HAAO: variants seen among roughly 807,000 people sequenced by gnomAD.
HAAO encodes 3-hydroxyanthranilate 3,4-dioxygenase, also known as 3-hydroxyanthranilate oxygenase.
A neutral mutation model predicts 46.2 loss-of-function variants in HAAO; 49 were observed. The ratio of observed to expected loss-of-function variants is 1.06; its 90% CI spans 0.84 to 1.34. HAAO has a LOEUF of 1.34. HAAO is among the 40% of genes most tolerant of loss of function. The pLI, the probability that HAAO is intolerant of heterozygous loss-of-function variation, is 0.00. For synonymous variants in HAAO, 157 were observed against 145.2 expected (o/e 1.08, Z -0.58); for missense variants, 408 against 364.5 (o/e 1.12, Z -0.97).
chr2:42,778,350 A>G (rs1452658455), intron 4 of HAAO, among the ~76,000 whole-genome samples: 3 of 151,228 alleles, frequency 2.0e-5, no homozygotes, highest in Non-Finnish European at 2.9e-5. Context: ...TTTTTTTGAC[A>G]TGGAGTCTTG....
Position 42,777,559 on chromosome 2 carries a change from CAGTT to C in HAAO, c.350+5751_350+5754del, listed in dbSNP as rs537885291. On this transcript the variant is annotated intron_variant, in intron 4 of 9. Coordinates refer to ENST00000294973, the MANE Select transcript of HAAO (RefSeq NM_012205.3). ...TTGGAGGTTAGAAGCAAGATGGAAT[CAGTT>C]AGGTCAAATCATTTTCACTGTCTCA... is the stretch of plus-strand genomic sequence containing the variant. Among the ~76,000 whole-genome samples the C allele has an allele frequency of 8.0e-4, 122 of 152,188 alleles. 1 individual carries two copies. Among genetic ancestry groups the C allele is most frequent in the Admixed American group, 6.9e-3 (105 of 15,290 alleles).
intron 4 of HAAO, among the ~76,000 whole-genome samples, chr2:42,777,730 C>A (rs946014478): frequency 6.6e-6 from 1 of 151,716 alleles, no homozygotes; most frequent in East Asian, 1.9e-4. Context: ...AATTTAGAAT[C>A]TAAAGTTAAA....
At chr2:42,768,743 C>G (rs1366705397) in intron 7 of HAAO, among the ~76,000 whole-genome samples, 1 of 152,210 alleles carries the variant, frequency 6.6e-6, no homozygotes, top group Admixed American at 6.5e-5. Flanking sequence ...TGTCACTCCC[C>G]TGCTTCAATA....
chr2:42,778,983 CAT>C (rs1187522220), intron 4 of HAAO, among the ~76,000 whole-genome samples: 1 of 152,010 alleles, frequency 6.6e-6, no homozygotes, highest in Non-Finnish European at 1.5e-5. Context: ...CATGGTGGCA[CAT>C]GTCTGTAATC....
At chr2:42,788,888 A>G (rs958829095) in intron 1 of HAAO, 11 of 419,912 alleles carry the variant, frequency 2.6e-5, no homozygotes, top group African/African-American at 1.4e-4. Flanking sequence ...TGGTGAATCT[A>G]TGGCTTCATC....
Position 42,790,669 on chromosome 2 carries a change from C to T in HAAO, c.80+1788G>A, listed in dbSNP as rs375905546. Among the ~76,000 whole-genome samples the T allele has an allele frequency of 1.3e-4, 20 of 152,036 alleles. No homozygotes were observed. In the East Asian group the frequency reaches 1.4e-3, roughly 10 times the overall value. ...GCCTCGGCCTCCTGAGTAGCTGGGA[C>T]TACAGGCGCGTGCCACCACGCCCAG... On this transcript the variant is annotated intron_variant, in intron 1 of 9. Transcript: ENST00000294973.
At chr2:42,781,578 A>C (rs1672001349) in intron 4 of HAAO, among the ~76,000 whole-genome samples, 2 of 152,202 alleles carry the variant, frequency 1.3e-5, no homozygotes, top group African/African-American at 4.8e-5. Context: ...CTATGTAAAA[A>C]ATAATTATTC....
chr2:42,787,110 C>T (rs975064424), intron 2 of HAAO, among the ~76,000 whole-genome samples: 88 of 152,296 alleles, frequency 5.8e-4, no homozygotes, highest in African/African-American at 1.8e-3. Flanking sequence ...GACACCTGGG[C>T]GTCCCTCCAG....
At chr2:42,770,037 C>A (rs1326054869) in intron 6 of HAAO, 106 bp downstream of exon 6, 3 of 1,170,188 alleles carry the variant, frequency 2.6e-6, no homozygotes, top group Non-Finnish European at 3.7e-6. Context: ...ACCTTGAGGA[C>A]TGGGCAGAGT....
At chr2:42,770,259 C>T in intron 5 of HAAO, 73 bp from the exon 6 acceptor site, 1 of 1,287,244 alleles carries the variant, frequency 7.8e-7, no homozygotes, top group South Asian at 1.3e-5. Context: ...CACACATACA[C>T]CACACTCACG....
chr2:42,782,106 C>T (rs557359660), intron 4 of HAAO, among the ~76,000 whole-genome samples: 1 of 152,174 alleles, frequency 6.6e-6, no homozygotes, highest in Admixed American at 6.5e-5. Flanking sequence ...TTCTTGACTA[C>T]AAGTCTTCAA....
At chr2:42,773,384 C>T (rs149674238) in intron 4 of HAAO, among the ~76,000 whole-genome samples, 8 of 151,904 alleles carry the variant, frequency 5.3e-5, no homozygotes, top group Non-Finnish European at 8.8e-5. Context: ...AGGCACTGGC[C>T]GTGATTCTAA....
intron 4 of HAAO, among the ~76,000 whole-genome samples, chr2:42,773,823 C>A (rs546454386): frequency 1.4e-4 from 22 of 152,276 alleles, no homozygotes; most frequent in Middle Eastern, 3.4e-3. Flanking sequence ...ATCTCCTGAC[C>A]TCGTGATCCA....
rs199602527 is a variant in HAAO, at chr2:42,792,475, G to A, written c.62C>T (p.Pro21Leu). Residue 21 changes from proline to leucine, a missense_variant, in exon 1 of 10, where the codon CCG becomes CTG. Physicochemically the swap from Pro to Leu is moderately conservative, Grantham distance 98. Coordinates refer to ENST00000294973, the MANE Select transcript of HAAO (RefSeq NM_012205.3). ...VKENRGSFQP[P>L]VCNKLMHQEQ... The stretch of plus-strand genomic sequence containing the variant: ...GACTCACATGAGCTTGTTGCAGACC[G>A]GGGGCTGGAAGGAGCCCCGGTTCTC... The A allele has an allele frequency of 6.3e-7, 1 of 1,585,996 alleles. No homozygotes were observed. Among genetic ancestry groups the A allele is most frequent in the Admixed American group, 1.7e-5 (1 of 57,286 alleles).
chr2:42,788,461 C>G (rs957706111), intron 2 of HAAO, 68 bp downstream of exon 2: 1 of 972,056 alleles, frequency 1.0e-6, no homozygotes, highest in Non-Finnish European at 1.7e-6. Context: ...GAGTGGGAAG[C>G]GCCCCCTCCC....
chr2:42,791,923 G>GTGT (rs3040147), intron 1 of HAAO, among the ~76,000 whole-genome samples: 2,059 of 149,768 alleles, frequency 0.014, 41 homozygotes, highest in African/African-American at 0.043. Context: ...GGTCTGGTGT[G>GTGT]GTGTGTGTGT....
intron 8 of HAAO, 80 bp downstream of exon 8, chr2:42,767,780 G>T (rs2374441): frequency 6.5e-7 from 1 of 1,546,822 alleles, no homozygotes. Flanking sequence ...AGTGGGCCCC[G>T]TGTGGGAGCC....
chr2:42,781,053 G>A (rs1671958339), intron 4 of HAAO, among the ~76,000 whole-genome samples: 1 of 151,952 alleles, frequency 6.6e-6, no homozygotes, highest in Non-Finnish European at 1.5e-5. Context: ...CTCCAGCCTG[G>A]GCGACAGAGC....
intron 4 of HAAO, among the ~76,000 whole-genome samples, chr2:42,777,778 A>T (rs1322468983): frequency 6.6e-6 from 1 of 152,198 alleles, no homozygotes; most frequent in Non-Finnish European, 1.5e-5. Flanking sequence ...GTACTTTCCA[A>T]TAAAAATATA....
Sources: gnomAD v4.1 joint callset for allele counts (sites outside exome capture counted in the v4.1 genomes callset) on GRCh38, gnomAD v4.1.1 for gene constraint, MANE v1.5 for transcripts, NCBI Gene and HGNC (gene_info 2026-07-23, HGNC 2026-07-21) for gene names.